The following SGCD variants were observed in gnomAD, a reference collection of about 807,000 sequenced individuals.
SGCD encodes the protein sarcoglycan delta.
Under a neutral mutation model 36.6 loss-of-function variants are expected in SGCD, and 18 were observed. The ratio of observed to expected loss-of-function variants is 0.49; its 90% confidence interval spans 0.34 to 0.73. The LOEUF is 0.73. Ranked by LOEUF, SGCD falls within the 30% of genes least tolerant of loss-of-function variation. The pLI is 0.01. For synonymous variants in SGCD, 133 were observed against 130.6 expected, an observed-to-expected ratio of 1.02 and a Z score of -0.12; for missense variants, 387 against 346.7, an observed-to-expected ratio of 1.12 and a Z score of -0.92.
chr5:156,678,393 T>A (rs918821811), intron 7 of SGCD, among the ~76,000 whole-genome samples: 4 of 152,188 alleles, frequency 2.6e-5, no homozygotes, highest in African/African-American at 9.7e-5. Flanking sequence ...AACTATTAGA[T>A]AATTGTTTAC....
intron 3 of SGCD, among the ~76,000 whole-genome samples, chr5:156,452,318 AG>A (rs140625177): frequency 0.064 from 9,685 of 152,162 alleles, 963 homozygotes; most frequent in African/African-American, 0.22. Context: ...GTTTTTCTGA[AG>A]AGTTTATTTC....
intron 3 of SGCD, among the ~76,000 whole-genome samples, chr5:156,353,191 T>C (rs1281068321): frequency 6.6e-6 from 1 of 152,138 alleles, no homozygotes; most frequent in African/African-American, 2.4e-5. Flanking sequence ...AGGATACATA[T>C]AAAGTACATG....
chr5:156,387,817 A>C (rs563872955), intron 3 of SGCD, among the ~76,000 whole-genome samples: 29 of 152,330 alleles, frequency 1.9e-4, no homozygotes, highest in Non-Finnish European at 5.9e-5. Flanking sequence ...GACACAAAAT[A>C]AAATATACAA....
rs578056399 is a variant in SGCD at position 156,759,284 on chromosome 5, C to T, written c.767C>T (p.Thr256Met). 81 of 1,613,118 alleles carry T rather than the reference C, an allele frequency of 5.0e-5. No individual in the cohort carries two copies. The highest frequency in any genetic ancestry group is 2.7e-4 in the East Asian group (12 of 44,866). Residue 256 changes from threonine to methionine, a missense_variant, in exon 9 of 9, where the codon ACG (threonine) becomes ATG (methionine). Thr to Met is a moderately conservative substitution (Grantham distance 81). Coordinates refer to ENST00000337851, the MANE Select transcript of SGCD (RefSeq NM_000337.6). ...LPHGSYTPTG[T>M]RQKVFEICVC... ...CATGGATCCTACACGCCTACAGGAA[C>T]GAGGCAGAAGGTCTTCGAGATCTGC...
At chr5:156,244,716 A>T (rs1765397875) in intron 3 of SGCD, among the ~76,000 whole-genome samples, 1 of 152,238 alleles carries the variant, frequency 6.6e-6, no homozygotes, top group African/African-American at 2.4e-5. Flanking sequence ...CCCCATTCTT[A>T]GATATTGATG....
the SGCD span, among the ~76,000 whole-genome samples, chr5:155,838,865 T>C: frequency 6.6e-6 from 1 of 152,010 alleles, no homozygotes; most frequent in Non-Finnish European, 1.5e-5. Context: ...TATGTTAACA[T>C]TGATAACCAA....
intron 4 of SGCD, among the ~76,000 whole-genome samples, chr5:156,521,426 A>G (rs533846268): frequency 6.6e-6 from 1 of 152,330 alleles, no homozygotes; most frequent in Non-Finnish European, 1.5e-5. Context: ...CAACCTACAG[A>G]ATGGGAGAAA....
At position 156,336,140 on chromosome 5, in the gene SGCD, G is replaced by A. The variant is rs545770475; in HGVS notation, c.3+6561G>A. Among the ~76,000 whole-genome samples, 33 of 152,282 alleles carry A rather than the reference G, an allele frequency of 2.2e-4. 1 individual carries two copies. In the East Asian group the frequency reaches 2.9e-3, roughly 13 times the overall value. On this transcript the variant is annotated intron_variant, in intron 2 of 8. Coordinates refer to ENST00000337851, the MANE Select transcript of SGCD (RefSeq NM_000337.6). ...TAATTTTCAAACATTCTCCTCCGGTGCACTCTGATCTAGCCACACTGTCCT... is the reference window on the plus strand; with the variant it reads ...TAATTTTCAAACATTCTCCTCCGGTACACTCTGATCTAGCCACACTGTCCT...
chr5:156,759,482 G>A lies in SGCD; in HGVS notation c.*92G>A, dbSNP rs1757458332. 8.0e-6 allele frequency: 7 copies of A among 871,274 alleles called. No individual in the cohort carries two copies. Among genetic ancestry groups the A allele is most frequent in the Non-Finnish European group, 1.2e-5 (7 of 561,314 alleles). 54.0% of individuals were successfully genotyped at this position (871,274 alleles called of 1,614,324 possible). A position where few individuals can be genotyped will look rare whatever the true frequency, so the allele number is the denominator to read the frequency against. On this transcript the variant is annotated 3_prime_UTR_variant, in exon 9 of 9. Coordinates refer to ENST00000337851, the MANE Select transcript of SGCD (RefSeq NM_000337.6). The stretch of plus-strand genomic sequence containing the variant: ...AGCTATTTTTACTAGAACACAGAAA[G>A]CCTATCAAAGACCTTGTGTGTATGT...
intron 4 of SGCD, among the ~76,000 whole-genome samples, chr5:156,520,531 A>G (rs1757355216): frequency 1.3e-5 from 2 of 152,184 alleles, no homozygotes; most frequent in African/African-American, 2.4e-5. Flanking sequence ...AAGTAGAGAA[A>G]ACTATTTTAA....
chr5:156,606,523 A>G (rs1761463642), intron 6 of SGCD, among the ~76,000 whole-genome samples: 1 of 152,176 alleles, frequency 6.6e-6, no homozygotes, highest in South Asian at 2.1e-4. Flanking sequence ...TGACTTGGCA[A>G]TGTAGGTTCT....
intron 1 of SGCD, among the ~76,000 whole-genome samples, chr5:156,110,869 G>A (rs996958896): frequency 2.0e-5 from 3 of 152,098 alleles, no homozygotes; most frequent in African/African-American, 7.2e-5. Flanking sequence ...ATTTGACCCT[G>A]CTTGAAAAGT....
intron 7 of SGCD, among the ~76,000 whole-genome samples, chr5:156,679,451 G>A (rs1176938358): frequency 6.6e-6 from 1 of 152,142 alleles, no homozygotes; most frequent in African/African-American, 2.4e-5. Context: ...CCTAGAATTT[G>A]AATTGCCTGT....
chr5:156,197,985 T>C (rs1298185692), intron 3 of SGCD, among the ~76,000 whole-genome samples: 1 of 152,112 alleles, frequency 6.6e-6, no homozygotes, highest in Non-Finnish European at 1.5e-5. Context: ...ACCCCAAATA[T>C]GTTGGCTCTC....
At chr5:156,307,335 C>T (rs535729407) in intron 3 of SGCD, among the ~76,000 whole-genome samples, 1 of 152,238 alleles carries the variant, frequency 6.6e-6, no homozygotes, top group East Asian at 1.9e-4. Flanking sequence ...AGCCACTGCA[C>T]CTAGCAAATT....
chr5:156,178,811 CTG>C (rs1763533239), intron 3 of SGCD, among the ~76,000 whole-genome samples: 1 of 152,150 alleles, frequency 6.6e-6, no homozygotes, highest in Non-Finnish European at 1.5e-5. Flanking sequence ...GGTGATCCAC[CTG>C]CCTCAGCCTC....
At chr5:156,183,146 G>A (rs971573456) in intron 3 of SGCD, among the ~76,000 whole-genome samples, 1 of 152,140 alleles carries the variant, frequency 6.6e-6, no homozygotes, top group Non-Finnish European at 1.5e-5. Context: ...TGGGTGTGGT[G>A]CTGGAGAAAG....
At chr5:156,252,206 C>T (rs1288118928) in intron 3 of SGCD, among the ~76,000 whole-genome samples, 1 of 151,864 alleles carries the variant, frequency 6.6e-6, no homozygotes, top group African/African-American at 2.4e-5. Flanking sequence ...TATTAATCCC[C>T]TCCTGGGATT....
chr5:156,459,083 A>G (rs2127815129), intron 3 of SGCD, among the ~76,000 whole-genome samples: 1 of 152,114 alleles, frequency 6.6e-6, no homozygotes, highest in East Asian at 1.9e-4. Context: ...AAGTGAAGGG[A>G]AAAAAAATCA....
Sources: gnomAD v4.1 joint callset for allele counts (sites outside exome capture counted in the v4.1 genomes callset) on GRCh38, gnomAD v4.1.1 for gene constraint, MANE v1.5 for transcripts, NCBI Gene and HGNC (gene_info 2026-07-23, HGNC 2026-07-21) for gene names.